CDYL: variants seen among roughly 807,000 people sequenced by gnomAD.
The protein encoded by CDYL is chromodomain Y like.
A neutral mutation model predicts 47.3 loss-of-function variants in CDYL; 8 were observed. The observed-to-expected ratio is 0.17, with a 90% CI of 0.10 to 0.31. CDYL has a LOEUF of 0.31. CDYL is among the 10% of genes least tolerant of loss of function. The pLI, the probability that CDYL is intolerant of heterozygous loss-of-function variation, is 1.00. For missense variants in CDYL, 471 were observed against 701.4 expected (o/e 0.67, Z 3.71); for synonymous variants, 266 against 265.0 (o/e 1.00, Z -0.04).
intron 2 of CDYL, among the ~76,000 whole-genome samples, chr6:4,908,023 C>G (rs1352116999): frequency 6.6e-6 from 1 of 152,214 alleles, no homozygotes; most frequent in Non-Finnish European, 1.5e-5. Flanking sequence ...AAAAGCCCCT[C>G]CTTGCTGTCA....
At chr6:4,944,794 C>G (rs1285326605) in intron 5 of CDYL, among the ~76,000 whole-genome samples, 1 of 152,164 alleles carries the variant, frequency 6.6e-6, no homozygotes, top group Admixed American at 6.5e-5. Context: ...TCATTATTTG[C>G]AGTGGGAAAA....
intron 2 of CDYL, among the ~76,000 whole-genome samples, chr6:4,721,207 GA>G (rs1309551201): frequency 5.3e-5 from 8 of 152,110 alleles, no homozygotes; most frequent in African/African-American, 1.9e-4. Flanking sequence ...TTTTCAACTA[GA>G]AACCACATTC....
intron 2 of CDYL, among the ~76,000 whole-genome samples, chr6:4,716,909 G>C (rs1360803551): frequency 1.3e-5 from 2 of 152,092 alleles, no homozygotes; most frequent in Non-Finnish European, 2.9e-5. Context: ...CATACAAGTA[G>C]CATGAAATAG....
At chr6:4,771,331 CT>C (rs1758335419) in intron 3 of CDYL, among the ~76,000 whole-genome samples, 1 of 152,160 alleles carries the variant, frequency 6.6e-6, no homozygotes, top group Admixed American at 6.5e-5. Flanking sequence ...CCAGGCTGGT[CT>C]GGAACTCCTG....
intron 1 of CDYL, among the ~76,000 whole-genome samples, chr6:4,711,064 T>G (rs1017814531): frequency 1.3e-5 from 2 of 152,044 alleles, no homozygotes; most frequent in African/African-American, 2.4e-5. Context: ...GTAAAAGAAA[T>G]AAGACCTTCG....
intron 1 of CDYL, among the ~76,000 whole-genome samples, chr6:4,845,109 G>T (rs1490197023): frequency 3.3e-5 from 5 of 152,070 alleles, no homozygotes; most frequent in African/African-American, 1.2e-4. Context: ...ATTTTTGTCT[G>T]TCACTTGATA....
At chr6:4,866,260 T>C (rs1417967634) in intron 1 of CDYL, among the ~76,000 whole-genome samples, 2 of 152,196 alleles carry the variant, frequency 1.3e-5, no homozygotes, top group Non-Finnish European at 2.9e-5. Context: ...TGTTTTTCTT[T>C]GTTTTCTTTA....
chr6:4,906,072 G>A (rs1408256246), intron 2 of CDYL, among the ~76,000 whole-genome samples: 3 of 152,196 alleles, frequency 2.0e-5, no homozygotes, highest in Non-Finnish European at 4.4e-5. Context: ...AGTGTCTACA[G>A]CTTTAATTAC....
intron 1 of CDYL, among the ~76,000 whole-genome samples, chr6:4,887,870 G>A (rs914550556): frequency 6.8e-6 from 1 of 146,764 alleles, no homozygotes; most frequent in Non-Finnish European, 1.5e-5. Flanking sequence ...TCTATTTCTA[G>A]TTTACTGACT....
chr6:4,914,413 C>T (rs1757499356), intron 2 of CDYL, among the ~76,000 whole-genome samples: 1 of 152,170 alleles, frequency 6.6e-6, no homozygotes, highest in South Asian at 2.1e-4. Flanking sequence ...CGCTGTCGTG[C>T]CAGTCCACAC....
chr6:4,763,811 C>T (rs1407012673), intron 3 of CDYL, among the ~76,000 whole-genome samples: 7 of 151,972 alleles, frequency 4.6e-5, no homozygotes, highest in Non-Finnish European at 7.4e-5. Flanking sequence ...GGCATGGTGG[C>T]GTGTGCCTAT....
At chr6:4,933,875 G>A (rs1190477630) in intron 2 of CDYL, among the ~76,000 whole-genome samples, 1 of 152,308 alleles carries the variant, frequency 6.6e-6, no homozygotes, top group Non-Finnish European at 1.5e-5. Flanking sequence ...ATAGTAGTGC[G>A]TATTGCAGTG....
At chr6:4,902,893 C>G (rs1757112076) in intron 2 of CDYL, among the ~76,000 whole-genome samples, 1 of 152,058 alleles carries the variant, frequency 6.6e-6, no homozygotes, top group South Asian at 2.1e-4. Flanking sequence ...AGGGAAAGAT[C>G]CAGAGTAGAT....
chr6:4,954,023 A>G lies in CDYL; in HGVS notation c.1602A>G (p.Leu534=), dbSNP rs761883377. 12 of 1,613,850 alleles carry G rather than the reference A, an allele frequency of 7.4e-6. No homozygotes were observed. The highest frequency in any genetic ancestry group is 9.3e-6 in the Non-Finnish European group (11 of 1,179,974). ...WGSAQGMDSM[L]KYLQRKIDEF ...CGGCCCAGGGGATGGACTCCATGTT[A>G]AAGTACTTGCAGAGGAAGATCGATG... Residue 534 remains leucine (L), a synonymous_variant, in exon 7 of 7, where the codon TTA becomes TTG. Coordinates refer to ENST00000397588, the MANE Select transcript of CDYL (RefSeq NM_004824.4).
At chr6:4,900,825 ATATATCT>A (rs1335218522) in intron 2 of CDYL, among the ~76,000 whole-genome samples, 3 of 82,276 alleles carry the variant, frequency 3.6e-5, no homozygotes, top group African/African-American at 1.4e-4. Context: ...ATATATATAT[ATATATCT>A]TGCCTGTTTT....
At chr6:4,906,115 T>C (rs1757226403) in intron 2 of CDYL, among the ~76,000 whole-genome samples, 1 of 152,256 alleles carries the variant, frequency 6.6e-6, no homozygotes, top group South Asian at 2.1e-4. Flanking sequence ...TTGTACATTT[T>C]ATCTGGTAAG....
intron 1 of CDYL, among the ~76,000 whole-genome samples, chr6:4,828,755 A>G (rs868168352): frequency 3.4e-4 from 51 of 152,134 alleles, no homozygotes; most frequent in African/African-American, 1.1e-3. Context: ...GTTGGTATGC[A>G]TGATGGTGTC....
chr6:4,805,792 C>G (rs1359864614), intron 1 of CDYL, among the ~76,000 whole-genome samples: 2 of 152,194 alleles, frequency 1.3e-5, no homozygotes, highest in Admixed American at 6.5e-5. Flanking sequence ...TTGGATGATG[C>G]CTAAGAGGCT....
At chr6:4,900,332 G>T (rs1216366917) in intron 2 of CDYL, among the ~76,000 whole-genome samples, 1 of 151,974 alleles carries the variant, frequency 6.6e-6, no homozygotes, top group African/African-American at 2.4e-5. Flanking sequence ...CTTACAAGTT[G>T]CAAGACCAGT....
Sources: gnomAD v4.1 joint callset for allele counts (sites outside exome capture counted in the v4.1 genomes callset) on GRCh38, gnomAD v4.1.1 for gene constraint, MANE v1.5 for transcripts, NCBI Gene and HGNC (gene_info 2026-07-23, HGNC 2026-07-21) for gene names.